OR2L13: variants seen among roughly 807,000 people sequenced by gnomAD.
The protein encoded by OR2L13 is olfactory receptor 2L13.
A neutral mutation model predicts 15.3 loss-of-function variants in OR2L13; 14 were observed. The ratio of observed to expected loss-of-function variants is 0.91; its 90% confidence interval spans 0.60 to 1.43. OR2L13 has a LOEUF of 1.43. Ranked by LOEUF, OR2L13 falls within the 40% of genes most tolerant of loss-of-function variation. The pLI is 0.00. For synonymous variants in OR2L13, 152 were observed against 142.9 expected (o/e 1.06, Z -0.45); for missense variants, 367 against 387.9 (o/e 0.95, Z 0.45).
chr1:248,073,794 A>C, the OR2L13 span, among the ~76,000 whole-genome samples: 14 of 152,094 alleles, frequency 9.2e-5, no homozygotes, highest in African/African-American at 2.9e-4. Flanking sequence ...TAGATAAATA[A>C]CATGTTTTGA....
At chr1:248,003,387 A>G in the OR2L13 span, 12 of 1,609,798 alleles carry the variant, frequency 7.5e-6, no homozygotes, top group Admixed American at 1.3e-4. Flanking sequence ...GATTTTCTGC[A>G]TGGAAACAAG....
the OR2L13 span, among the ~76,000 whole-genome samples, chr1:248,002,534 G>A: frequency 6.6e-6 from 1 of 152,194 alleles, no homozygotes; most frequent in Admixed American, 6.5e-5. Flanking sequence ...CATCCATGTT[G>A]TAGCATGTGT....
the OR2L13 span, among the ~76,000 whole-genome samples, chr1:247,976,803 C>T: frequency 6.6e-6 from 1 of 152,316 alleles, no homozygotes; most frequent in South Asian, 2.1e-4. Flanking sequence ...TTTATGTTCT[C>T]TTCATCTTAA....
the OR2L13 span, chr1:247,965,356 T>G: frequency 1.3e-6 from 2 of 1,598,394 alleles, no homozygotes; most frequent in South Asian, 2.3e-5. Context: ...TGTCATCTCC[T>G]TTGATATTTT....
the OR2L13 span, among the ~76,000 whole-genome samples, chr1:248,002,261 A>G: frequency 1.3e-5 from 2 of 152,220 alleles, no homozygotes; most frequent in Non-Finnish European, 2.9e-5. Context: ...TTATTAGGGC[A>G]AATATACATA....
At chr1:247,986,027 A>G in the OR2L13 span, among the ~76,000 whole-genome samples, 1 of 152,196 alleles carries the variant, frequency 6.6e-6, no homozygotes, top group South Asian at 2.1e-4. Context: ...TCAGATGAGT[A>G]GATTGCAAAA....
At chr1:247,938,249 T>C in the OR2L13 span, among the ~76,000 whole-genome samples, 2 of 152,176 alleles carry the variant, frequency 1.3e-5, no homozygotes, top group East Asian at 3.8e-4. Flanking sequence ...AAATTACTAA[T>C]ATAATGATAT....
upstream of OR2L13, among the ~76,000 whole-genome samples, chr1:248,096,787 T>C (rs1000552978): frequency 5.3e-5 from 8 of 152,178 alleles, no homozygotes; most frequent in Non-Finnish European, 7.3e-5. Flanking sequence ...AAATGAGGTG[T>C]TTTTTAACTC....
chr1:248,017,836 A>C, the OR2L13 span, among the ~76,000 whole-genome samples: 1 of 152,310 alleles, frequency 6.6e-6, no homozygotes, highest in South Asian at 2.1e-4. Flanking sequence ...ATGTCATACA[A>C]ACTTGCCTTG....
chr1:248,085,379 T>C, the OR2L13 span, among the ~76,000 whole-genome samples: 5 of 36,502 alleles, frequency 1.4e-4, no homozygotes, highest in African/African-American at 3.0e-4. Flanking sequence ...TTGGCACATG[T>C]ATCCCAGGAC....
At chr1:247,997,159 A>G in the OR2L13 span, 1 of 152,200 alleles carries the variant, frequency 6.6e-6, no homozygotes, top group Admixed American at 6.5e-5. Context: ...TATCTATTAA[A>G]TCCATGTGGA....
At chr1:247,990,704 G>A in the OR2L13 span, 3 of 1,543,350 alleles carry the variant, frequency 1.9e-6, no homozygotes, top group Non-Finnish European at 2.7e-6. Context: ...ATGATAACAG[G>A]ATCTTGGATG....
the OR2L13 span, among the ~76,000 whole-genome samples, chr1:247,996,667 A>T: frequency 6.6e-6 from 1 of 152,176 alleles, no homozygotes; most frequent in East Asian, 1.9e-4. Flanking sequence ...AGGTACACCT[A>T]AACATCTTTC....
upstream of OR2L13, among the ~76,000 whole-genome samples, chr1:248,096,915 C>T (rs1230210848): frequency 6.6e-6 from 1 of 152,312 alleles, no homozygotes; most frequent in South Asian, 2.1e-4. Context: ...GCCGCAGTCA[C>T]ATCTCACTCT....
At chr1:247,975,425 A>G in the OR2L13 span, 1 of 705,086 alleles carries the variant, frequency 1.4e-6, no homozygotes, top group Non-Finnish European at 2.7e-6. Flanking sequence ...GGGAGGAAGA[A>G]GGCCTATTCG....
At chr1:248,099,756 C>T (rs1664812958) in exon 3 of OR2L13, 1 of 1,614,118 alleles carries the variant, frequency 6.2e-7, no homozygotes, top group Non-Finnish European at 8.5e-7. Flanking sequence ...CCATCTGCCA[C>T]TCTCTCTATT....
the OR2L13 span, chr1:248,060,598 A>T: frequency 1.8e-6 from 2 of 1,081,410 alleles, no homozygotes; most frequent in Admixed American, 4.1e-5. Flanking sequence ...AGGGGCTTCA[A>T]ATGCATTCCC....
At chr1:247,951,481 C>T in the OR2L13 span, among the ~76,000 whole-genome samples, 1 of 152,070 alleles carries the variant, frequency 6.6e-6, no homozygotes, top group African/African-American at 2.4e-5. Context: ...TTCTATTGTT[C>T]TCTTCTATGA....
chr1:248,097,895 A>G (rs1664771221), intron 1 of OR2L13, among the ~76,000 whole-genome samples: 1 of 152,246 alleles, frequency 6.6e-6, no homozygotes, highest in Non-Finnish European at 1.5e-5. Context: ...GGGATGGGAC[A>G]GCACCTGATG....
Sources: allele counts gnomAD v4.1 joint callset (sites outside exome capture counted in the v4.1 genomes callset), GRCh38; gene constraint gnomAD v4.1.1; transcripts MANE v1.5; gene names NCBI Gene and HGNC (gene_info 2026-07-23, HGNC 2026-07-21).